Variants in RIMBP2 observed in about 807,000 individuals in gnomAD.
RIMBP2 encodes RIMS binding protein 2.
Under a neutral mutation model 118.6 loss-of-function variants are expected in RIMBP2, and 48 were observed. The ratio of observed to expected loss-of-function variants is 0.40; its 90% confidence interval spans 0.32 to 0.51. RIMBP2 has a LOEUF of 0.51. RIMBP2 is among the 20% of genes least tolerant of loss of function. RIMBP2 has a pLI of 0.41. For synonymous variants in RIMBP2, 762 were observed against 742.9 expected (o/e 1.03, Z -0.42); for missense variants, 1,551 against 1,768.3 (o/e 0.88, Z 2.20).
In RIMBP2 at chr12:130,446,685, C is replaced by T. The variant is rs1389007953; in HGVS notation, c.582-1416G>A. On this transcript the variant is annotated intron_variant, in intron 9 of 22. Transcript: ENST00000690449. This position sits in a 1 kb window ranked among gnomAD's most constrained non-coding sequence, Gnocchi z 4.1. ...AATAGCATGCGCCAAGGCCCAGAGGCAGGGAGGAGAGAGATGAGGTTGGCA... is the reference window on the plus strand; with the variant it reads ...AATAGCATGCGCCAAGGCCCAGAGGTAGGGAGGAGAGAGATGAGGTTGGCA... 1.3e-5 allele frequency among the ~76,000 whole-genome samples: 2 copies of T among 152,206 alleles called. No individual in the cohort carries two copies. The highest frequency in any genetic ancestry group is 4.8e-5 in the African/African-American group (2 of 41,444).
rs949402158 is a variant in RIMBP2 at position 130,437,041 on chromosome 12, G to A, written c.1907C>T (p.Ala636Val). ...ETKDEHLGPH[A>V]RMDEAWEQSR... Reference sequence around the variant, plus strand: ...CTGCTCCCAGGCCTCATCCATCCTGGCGTGGGGACCCAGGTGCTCGTCTTT... The same window carrying A: ...CTGCTCCCAGGCCTCATCCATCCTGACGTGGGGACCCAGGTGCTCGTCTTT... Residue 636 changes from alanine to valine, a missense_variant, in exon 13 of 23, where the codon GCC becomes GTC. This residue lies in a region of RIMBP2 where 1,038 missense variants were observed against 1,125.1 expected (regional missense o/e 0.92). Transcript: ENST00000690449. 1.9e-6 allele frequency: 3 copies of A among 1,579,466 alleles called. No homozygotes were observed. The highest frequency in any genetic ancestry group is 2.6e-6 in the Non-Finnish European group (3 of 1,160,062).
chr12:130,424,656 G>A lies in RIMBP2; in HGVS notation c.2615C>T (p.Pro872Leu). Residue 872 changes from proline to leucine, a missense_variant, in exon 16 of 23, where the codon CCC becomes CTC. Around this residue, in one of 5 missense-constraint regions of RIMBP2, gnomAD observed 1,038 missense variants for 1,125.1 expected, o/e 0.92. Coordinates refer to ENST00000690449, the MANE Select transcript of RIMBP2 (RefSeq NM_001393629.1). The surrounding 1 kb of genome is among the most constrained non-coding windows in gnomAD (Gnocchi z 9.8). ...GLAREPRPGR[P>L]YRGDEAPRGS... ...CCGAGGGGCCTCGTCGCCCCTGTAG[G>A]GCCTGCCGGGCCTGGGCTCTCTGGC... The A allele has an allele frequency of 8.1e-7, 1 of 1,231,898 alleles. No individual in the cohort carries two copies. The highest frequency in any genetic ancestry group is 1.0e-6 in the Non-Finnish European group (1 of 987,844). 76.3% of individuals were successfully genotyped at this position (1,231,898 alleles called of 1,614,324 possible). A position where few individuals can be genotyped will look rare whatever the true frequency, so the allele number is the denominator to read the frequency against.
intron 2 of RIMBP2, among the ~76,000 whole-genome samples, chr12:130,548,358 G>T (rs1648454582): frequency 6.6e-6 from 1 of 152,176 alleles, no homozygotes; most frequent in African/African-American, 2.4e-5. Context: ...TAGGTAAAAG[G>T]CAATGGGTAA....
At chr12:130,633,951 C>G (rs2062175782) in intron 1 of RIMBP2, 1 of 152,238 alleles carries the variant, frequency 6.6e-6, no homozygotes, top group Non-Finnish European at 1.5e-5. Flanking sequence ...TTTACTTATT[C>G]ATGGGCTGCC....
intron 3 of RIMBP2, among the ~76,000 whole-genome samples, chr12:130,507,569 A>G (rs894392404): frequency 6.6e-6 from 1 of 152,194 alleles, no homozygotes; most frequent in African/African-American, 2.4e-5. Context: ...AATAAACCCA[A>G]AAACCACATA....
intron 2 of RIMBP2, among the ~76,000 whole-genome samples, chr12:130,585,109 C>T (rs916445958): frequency 5.9e-5 from 9 of 152,132 alleles, no homozygotes; most frequent in African/African-American, 1.9e-4. Flanking sequence ...AGGCTGATCT[C>T]GAACTCCTGG....
chr12:130,523,543 T>A lies in RIMBP2; in HGVS notation c.-216-5626A>T, dbSNP rs1412235793. ...ACTGGGTCTTCTGAAGACACCCCCT[T>A]CCCCATCAGGAGCTCCAGTTAAATC... On this transcript the variant is annotated intron_variant, in intron 2 of 22. Coordinates refer to ENST00000690449, the MANE Select transcript of RIMBP2 (RefSeq NM_001393629.1). The surrounding 1 kb of genome is among the most constrained non-coding windows in gnomAD (Gnocchi z 4.4). Among the ~76,000 whole-genome samples the A allele has an allele frequency of 6.6e-6, 1 of 152,152 alleles. No individual in the cohort carries two copies. Among genetic ancestry groups the A allele is most frequent in the Non-Finnish European group, 1.5e-5 (1 of 68,028 alleles).
intron 21 of RIMBP2, among the ~76,000 whole-genome samples, chr12:130,401,696 G>C (rs190043372): frequency 6.6e-6 from 1 of 151,866 alleles, no homozygotes; most frequent in African/African-American, 2.4e-5. Context: ...TGCCCCTGGC[G>C]ATTTCTTCCT....
At position 130,611,831 on chromosome 12, in the gene RIMBP2, C is replaced by T. The variant is rs545122089; in HGVS notation, c.-217+16491G>A. On this transcript the variant is annotated intron_variant, in intron 2 of 22. Transcript: ENST00000690449. ...GAAACCCATGTAACTGCCTGTTACACGAAGGCTGTGGTGGAAAAAGTTCTC... is the reference window on the plus strand; with the variant it reads ...GAAACCCATGTAACTGCCTGTTACATGAAGGCTGTGGTGGAAAAAGTTCTC... Among the ~76,000 whole-genome samples the T allele has an allele frequency of 3.3e-5, 5 of 152,270 alleles. No individual in the cohort carries two copies. The East Asian group carries it at 5.8e-4, about 18-fold the overall frequency.
At chr12:130,524,687 G>A (rs1283051083) in intron 2 of RIMBP2, among the ~76,000 whole-genome samples, 2 of 152,334 alleles carry the variant, frequency 1.3e-5, no homozygotes, top group Non-Finnish European at 1.5e-5. Context: ...GTGTTAAGGG[G>A]ATTGAAGAAG....
rs532378849 is a variant in RIMBP2, at chr12:130,647,778, T to G, written c.-351-19322A>C. 1.4e-4 allele frequency among the ~76,000 whole-genome samples: 21 copies of G among 145,874 alleles called. 2 individuals are homozygous for G. Among genetic ancestry groups the G allele is most frequent in the Non-Finnish European group, 3.1e-4 (20 of 64,352 alleles). On this transcript the variant is annotated intron_variant, in intron 1 of 22. Coordinates refer to ENST00000690449, the MANE Select transcript of RIMBP2 (RefSeq NM_001393629.1). Reference sequence around the variant, plus strand: ...CTTTAAATCAAACCAATGCATAACCTCCATGTATTGGTGTGTGACTTTGCT... The same window carrying G: ...CTTTAAATCAAACCAATGCATAACCGCCATGTATTGGTGTGTGACTTTGCT...
intron 4 of RIMBP2, among the ~76,000 whole-genome samples, chr12:130,498,787 T>C (rs1013240466): frequency 5.9e-5 from 9 of 152,166 alleles, no homozygotes; most frequent in African/African-American, 2.2e-4. Context: ...CTGCAGATGA[T>C]TGCAACTTCA....
chr12:130,418,657 C>T (rs112188636), intron 17 of RIMBP2, among the ~76,000 whole-genome samples: 17 of 152,286 alleles, frequency 1.1e-4, no homozygotes, highest in Non-Finnish European at 2.2e-4. Context: ...GGCATCAAAA[C>T]GTGCAGAGGG....
At chr12:130,436,205 C>T (rs2077500219) in intron 13 of RIMBP2, among the ~76,000 whole-genome samples, 1 of 152,208 alleles carries the variant, frequency 6.6e-6, no homozygotes, top group Non-Finnish European at 1.5e-5. Context: ...ACGCACGTCC[C>T]GTTGTGTGTA....
intron 4 of RIMBP2, among the ~76,000 whole-genome samples, chr12:130,487,277 T>A (rs1046208664): frequency 6.6e-6 from 1 of 152,224 alleles, no homozygotes; most frequent in Non-Finnish European, 1.5e-5. Context: ...GGTTGAAATG[T>A]GACCCCTGTG....
intron 1 of RIMBP2, among the ~76,000 whole-genome samples, chr12:130,685,497 C>A (rs2064997061): frequency 6.6e-6 from 1 of 152,258 alleles, no homozygotes. Context: ...ATGATGTCAT[C>A]CGCCTGACCC....
chr12:130,411,566 T>C (rs1230560366), intron 19 of RIMBP2, among the ~76,000 whole-genome samples: 1 of 152,140 alleles, frequency 6.6e-6, no homozygotes, highest in Non-Finnish European at 1.5e-5. Flanking sequence ...AAAATTTTAA[T>C]CTAACTGATA....
At chr12:130,575,229 C>T (rs1298552063) in intron 2 of RIMBP2, among the ~76,000 whole-genome samples, 3 of 138,756 alleles carry the variant, frequency 2.2e-5, no homozygotes, top group Admixed American at 7.3e-5. Flanking sequence ...CCCACCCCCA[C>T]CCCCGGCAGT....
intron 1 of RIMBP2, among the ~76,000 whole-genome samples, chr12:130,686,741 G>A (rs1469444157): frequency 6.6e-6 from 1 of 152,232 alleles, no homozygotes; most frequent in African/African-American, 2.4e-5. Flanking sequence ...CAGGCGTGAG[G>A]GGCACCTGCC....
Sources: allele counts gnomAD v4.1 joint callset (sites outside exome capture counted in the v4.1 genomes callset), GRCh38; gene constraint gnomAD v4.1.1; regional missense constraint gnomAD v4.1.1; non-coding constraint Gnocchi (gnomAD v3.1); transcripts MANE v1.5; gene names NCBI Gene and HGNC (gene_info 2026-07-23, HGNC 2026-07-21).